Variants in ADAMTS14 observed in about 807,000 individuals in gnomAD.
ADAMTS14 encodes A disintegrin and metalloproteinase with thrombospondin motifs 14.
In ADAMTS14, 100 loss-of-function variants were observed where a neutral mutation model predicts 128.6. The ratio of observed to expected loss-of-function variants is 0.78; its 90% confidence interval spans 0.66 to 0.92. ADAMTS14 has a LOEUF of 0.92. Among genes scored for constraint, ADAMTS14 ranks in the 40% least tolerant of loss-of-function variants. ADAMTS14 has a pLI of 0.00. For synonymous variants in ADAMTS14, 665 were observed against 653.8 expected (o/e 1.02, Z -0.26); for missense variants, 1,562 against 1,658.6 (o/e 0.94, Z 1.01).
intron 13 of ADAMTS14, among the ~76,000 whole-genome samples, 169 bp downstream of exon 13, chr10:70,743,850 C>T (rs886140674): frequency 2.0e-5 from 3 of 152,202 alleles, no homozygotes; most frequent in African/African-American, 4.8e-5. Context: ...ATTGCTCAGC[C>T]CCATTGGAGG....
intron 4 of ADAMTS14, among the ~76,000 whole-genome samples, chr10:70,711,480 C>T (rs1014636027): frequency 6.6e-6 from 1 of 152,198 alleles, no homozygotes; most frequent in Non-Finnish European, 1.5e-5. Flanking sequence ...GCCAGTCACC[C>T]CAGTTTGTGT....
intron 4 of ADAMTS14, among the ~76,000 whole-genome samples, chr10:70,709,906 G>A (rs1461684323): frequency 2.0e-5 from 3 of 152,230 alleles, no homozygotes; most frequent in South Asian, 4.1e-4. Flanking sequence ...GGCTAAAGGG[G>A]CAGAGACAAG....
chr10:70,754,238 G>T (rs1842428450), intron 19 of ADAMTS14, among the ~76,000 whole-genome samples: 1 of 152,246 alleles, frequency 6.6e-6, no homozygotes, highest in Non-Finnish European at 1.5e-5. Flanking sequence ...GGAGGCATGG[G>T]TTCATGTCCC....
At chr10:70,737,868 C>T (rs1477073) in intron 10 of ADAMTS14, among the ~76,000 whole-genome samples, 18,266 of 152,100 alleles carry the variant, frequency 0.12, 1,290 homozygotes, top group Admixed American at 0.21. Context: ...CAGATGAGCA[C>T]GGAGAATATT....
In ADAMTS14 at chr10:70,741,125, T is replaced by C. The variant is rs1841985209; in HGVS notation, c.1887T>C (p.Asn629=). Residue 629 remains asparagine (N), a synonymous_variant, in exon 12 of 22, where the codon AAT becomes AAC. Coordinates refer to ENST00000373207, the MANE Select transcript of ADAMTS14 (RefSeq NM_080722.4). Reference sequence around the variant, plus strand: ...GCAACTCCTACTATGTGCACCAGAATGCCAAGCACAGCTGGGTGCCCTACG... The same window carrying C: ...GCAACTCCTACTATGTGCACCAGAACGCCAAGCACAGCTGGGTGCCCTACG... ...AKRNSYYVHQ[N]AKHSWVPYEP... is the part of the protein sequence containing the mutation. 6.2e-7 allele frequency: 1 copy of C among 1,613,636 alleles called. No individual in the cohort carries two copies. The highest frequency in any genetic ancestry group is 8.5e-7 in the Non-Finnish European group (1 of 1,179,984).
chr10:70,684,617 G>T (rs1839903319), intron 2 of ADAMTS14, among the ~76,000 whole-genome samples: 1 of 152,230 alleles, frequency 6.6e-6, no homozygotes, highest in Non-Finnish European at 1.5e-5. Context: ...TAGTTTTGTG[G>T]GTTAGAAATT....
At chr10:70,760,331 C>T (rs2132765596) in intron 21 of ADAMTS14, 29 bp from the exon 22 acceptor site, 1 of 1,509,472 alleles carries the variant, frequency 6.6e-7, no homozygotes, top group Middle Eastern at 1.8e-4. Flanking sequence ...CACGTTGCTT[C>T]CATCCTTGTC....
intron 1 of ADAMTS14, 37 bp downstream of exon 1, chr10:70,672,921 C>A: frequency 7.1e-7 from 1 of 1,415,438 alleles, no homozygotes; most frequent in Non-Finnish European, 9.1e-7. Context: ...CCCGTGGGGT[C>A]CGGGGTGCAC....
chr10:70,673,877 T>C (rs1463117896), intron 1 of ADAMTS14, among the ~76,000 whole-genome samples: 1 of 152,206 alleles, frequency 6.6e-6, no homozygotes, highest in Non-Finnish European at 1.5e-5. Flanking sequence ...TCACAGTTAA[T>C]TCAGCCCAAG....
At chr10:70,760,315 C>A in intron 21 of ADAMTS14, 45 bp from the exon 22 acceptor site, 1 of 1,505,630 alleles carries the variant, frequency 6.6e-7, no homozygotes, top group Non-Finnish European at 8.8e-7. Context: ...GACTGACAGG[C>A]ATCCCCACGT....
intron 4 of ADAMTS14, among the ~76,000 whole-genome samples, chr10:70,727,642 T>C (rs1841485243): frequency 6.6e-6 from 1 of 152,066 alleles, no homozygotes; most frequent in Non-Finnish European, 1.5e-5. Context: ...CTGACCATGC[T>C]GGTGGCATCA....
At position 70,760,406 on chromosome 10, in the gene ADAMTS14, G is replaced by T. The variant is rs532894764; in HGVS notation, c.3225G>T (p.Val1075=). 1.2e-6 allele frequency: 2 copies of T among 1,606,858 alleles called. No individual in the cohort carries two copies. The highest frequency in any genetic ancestry group is 1.7e-5 in the Admixed American group (1 of 59,482). The change falls in exon 22 of 22, where the codon GTG becomes GTT. Residue 1075 remains valine, a synonymous_variant. Transcript: ENST00000373207. ...GDRSVFCQME[V]LDRYCSIPGY... is the part of the protein sequence containing the mutation. ...GGTCTGTCTTCTGCCAGATGGAAGT[G>T]CTCGATCGCTACTGCTCCATTCCCG...
intron 2 of ADAMTS14, among the ~76,000 whole-genome samples, chr10:70,676,831 T>C (rs1012707866): frequency 6.6e-6 from 1 of 152,104 alleles, no homozygotes; most frequent in African/African-American, 2.4e-5. Context: ...TCCATGCAGG[T>C]AGAGAGAAAG....
intron 5 of ADAMTS14, 90 bp downstream of exon 5, chr10:70,729,467 A>G (rs538099797): frequency 5.3e-5 from 58 of 1,086,536 alleles, no homozygotes; most frequent in Non-Finnish European, 7.9e-5. Context: ...CTGCAGGGGT[A>G]AGCATCCAGG....
intron 12 of ADAMTS14, among the ~76,000 whole-genome samples, chr10:70,742,147 C>T (rs1842020116): frequency 6.6e-6 from 1 of 152,184 alleles, no homozygotes; most frequent in Non-Finnish European, 1.5e-5. Flanking sequence ...CAGGGGGTGT[C>T]TTCTCTCTGC....
At chr10:70,705,966 C>T (rs1226303050) in intron 3 of ADAMTS14, among the ~76,000 whole-genome samples, 1 of 152,244 alleles carries the variant, frequency 6.6e-6, no homozygotes, top group Non-Finnish European at 1.5e-5. Flanking sequence ...TACTGGGTCA[C>T]ATGGCACCTC....
chr10:70,711,377 A>C (rs1564532445), intron 4 of ADAMTS14, among the ~76,000 whole-genome samples: 1 of 152,178 alleles, frequency 6.6e-6, no homozygotes, highest in Non-Finnish European at 1.5e-5. Flanking sequence ...CTTTGGGATG[A>C]TCACTACACG....
At chr10:70,759,950 G>A (rs557694716) in intron 21 of ADAMTS14, among the ~76,000 whole-genome samples, 1 of 152,350 alleles carries the variant, frequency 6.6e-6, no homozygotes, top group African/African-American at 2.4e-5. Context: ...GGCTGAGGGC[G>A]AATGGCGAAG....
chr10:70,687,306 C>T (rs1390194870), intron 2 of ADAMTS14, among the ~76,000 whole-genome samples: 1 of 107,428 alleles, frequency 9.3e-6, no homozygotes, highest in Non-Finnish European at 2.0e-5. Flanking sequence ...CACCTCCCTC[C>T]TGGACAGGGC....
Sources: gnomAD v4.1 joint callset for allele counts (sites outside exome capture counted in the v4.1 genomes callset) on GRCh38, gnomAD v4.1.1 for gene constraint, MANE v1.5 for transcripts, NCBI Gene and HGNC (gene_info 2026-07-23, HGNC 2026-07-21) for gene names.